CIT: variants seen among roughly 807,000 people sequenced by gnomAD.
CIT encodes citron rho-interacting serine/threonine kinase.
A neutral mutation model predicts 272.7 loss-of-function variants in CIT; 79 were observed. The observed-to-expected ratio is 0.29, with a 90% CI of 0.24 to 0.35. The LOEUF (loss-of-function observed/expected upper bound fraction) is 0.35. Ranked by LOEUF, CIT falls within the 10% of genes least tolerant of loss-of-function variation. The probability of loss-of-function intolerance (pLI) is 1.00; values close to 1 mark genes in which losing one functional copy is unlikely to be tolerated. For synonymous variants in CIT, 948 were observed against 995.6 expected (o/e 0.95, Z 0.90); for missense variants, 1,909 against 2,618.3 (o/e 0.73, Z 5.91).
At position 119,770,105 on chromosome 12, in the gene CIT, G is replaced by A. The variant is rs909511500; in HGVS notation, c.2208+680C>T. Among the ~76,000 whole-genome samples, 1 of 152,164 alleles carries A rather than the reference G, an allele frequency of 6.6e-6. No individual in the cohort carries two copies. The highest frequency in any genetic ancestry group is 1.5e-5 in the Non-Finnish European group (1 of 68,036). On this transcript the variant is annotated intron_variant, in intron 18 of 47. Transcript: ENST00000392521. This position sits in a 1 kb window ranked among gnomAD's most constrained non-coding sequence, Gnocchi z 4.4. ...GGTCCAAGGAGAGCCCTTCAAAGGTGCTGTCTTCCACCCTGGCAGGGGCAA... is the reference window on the plus strand; with the variant it reads ...GGTCCAAGGAGAGCCCTTCAAAGGTACTGTCTTCCACCCTGGCAGGGGCAA...
chr12:119,753,736 CAA>C (rs61342513), intron 22 of CIT, among the ~76,000 whole-genome samples: 16 of 112,060 alleles, frequency 1.4e-4, no homozygotes, highest in Admixed American at 1.9e-4. Flanking sequence ...GACTCTGCCT[CAA>C]AAAAAAAAAA....
chr12:119,759,396 A>G (rs1003976394), intron 20 of CIT, among the ~76,000 whole-genome samples: 11 of 152,288 alleles, frequency 7.2e-5, no homozygotes, highest in African/African-American at 2.6e-4. Flanking sequence ...CTGTAATCCC[A>G]ACACTTTGGG....
In CIT at chr12:119,825,021, C is replaced by T. The variant is rs528658703; in HGVS notation, c.957+144G>A. ...TTCACCATGTTAGCCAGGATGGTCT[C>T]GATCTCCTGACCTCGTGATCCACCC... On this transcript the variant is annotated intron_variant, in intron 8 of 47. Transcript: ENST00000392521. The T allele has an allele frequency of 1.5e-5, 9 of 613,474 alleles. No individual in the cohort carries two copies. In the East Asian group the frequency reaches 1.8e-4, roughly 12 times the overall value. 38.0% of individuals were successfully genotyped at this position (613,474 alleles called of 1,614,324 possible). A position where few individuals can be genotyped will look rare whatever the true frequency, so the allele number is the denominator to read the frequency against.
Position 119,697,750 on chromosome 12 carries a change from A to G in CIT, c.5791T>C (p.Tyr1931His). ...CAAATGACCCTTAATTTATCCTGGT[A>G]TGAGGACGCCAAGTAAATCGCTCCT... ...SSGAIYLASS[Y>H]QDKLRVICCK... Residue 1931 changes from tyrosine to histidine, a missense_variant, in exon 46 of 48, where the codon TAC becomes CAC. Transcript: ENST00000392521. The surrounding 1 kb of genome is among the most constrained non-coding windows in gnomAD (Gnocchi z 4.9). 6.2e-7 allele frequency: 1 copy of G among 1,614,126 alleles called. No individual in the cohort carries two copies. Among genetic ancestry groups the G allele is most frequent in the Non-Finnish European group, 8.5e-7 (1 of 1,180,034 alleles).
At chr12:119,730,004 AAC>A (rs976689433) in intron 27 of CIT, among the ~76,000 whole-genome samples, 9 of 152,224 alleles carry the variant, frequency 5.9e-5, no homozygotes, top group Admixed American at 2.0e-4. Flanking sequence ...ACATGGATGG[AAC>A]ACGTGTATTT....
intron 4 of CIT, 45 bp downstream of exon 4, chr12:119,857,478 C>T (rs1950204709): frequency 1.2e-6 from 2 of 1,601,370 alleles, no homozygotes; most frequent in African/African-American, 1.3e-5. Context: ...GCAATGAACA[C>T]TCCGGTACAG....
In CIT at chr12:119,804,574, C is replaced by T; in HGVS notation, c.1112-1185G>A. The T allele has an allele frequency of 2.5e-6, 2 of 791,078 alleles. No homozygotes were observed. Among genetic ancestry groups the T allele is most frequent in the Non-Finnish European group, 3.1e-6 (2 of 652,620 alleles). 49.0% of individuals were successfully genotyped at this position (791,078 alleles called of 1,614,324 possible). On this transcript the variant is annotated intron_variant, in intron 9 of 47. Coordinates refer to ENST00000392521, the MANE Select transcript of CIT (RefSeq NM_001206999.2). This position sits in a 1 kb window ranked among gnomAD's most constrained non-coding sequence, Gnocchi z 5.3. ...TTGTCACAGCCCTTCACAGCCCAGA[C>T]TTCTTTTTAACTCCTCGTTTTCTGG...
At chr12:119,841,584 G>A (rs1005882458) in intron 5 of CIT, among the ~76,000 whole-genome samples, 19 of 152,140 alleles carry the variant, frequency 1.2e-4, no homozygotes, top group African/African-American at 3.1e-4. Context: ...CCACACAGCC[G>A]ACAGTAAATT....
rs771869404 is a variant in CIT, at chr12:119,743,514, GT to G, written c.2905-1051del. ...CCCAATAGCAAGCATGACAAGTGGGGTTTTTTGTTTTGTTGTATCCAGTGAA... is the reference window on the plus strand; with the variant it reads ...CCCAATAGCAAGCATGACAAGTGGGGTTTTTGTTTTGTTGTATCCAGTGAA... On this transcript the variant is annotated intron_variant, in intron 23 of 47. Transcript: ENST00000392521. Among the ~76,000 whole-genome samples the G allele has an allele frequency of 9.7e-4, 148 of 152,288 alleles. 1 individual carries two copies. Among genetic ancestry groups the G allele is most frequent in the Non-Finnish European group, 1.6e-3 (108 of 68,018 alleles).
chr12:119,743,587 G>T (rs403734), intron 23 of CIT, among the ~76,000 whole-genome samples: 39,629 of 152,042 alleles, frequency 0.26, 5,416 homozygotes, highest in Middle Eastern at 0.33. Context: ...GTGCCTTGAG[G>T]AGTAAACATG....
At chr12:119,711,946 C>T (rs368012178) in intron 37 of CIT, among the ~76,000 whole-genome samples, 5 of 152,224 alleles carry the variant, frequency 3.3e-5, no homozygotes, top group African/African-American at 9.6e-5. Flanking sequence ...CATGAGCCAC[C>T]GCATCCCTGA....
intron 28 of CIT, among the ~76,000 whole-genome samples, chr12:119,725,134 T>C (rs1958020295): frequency 6.6e-6 from 1 of 151,970 alleles, no homozygotes; most frequent in Admixed American, 6.6e-5. Flanking sequence ...TTTAAAAGTC[T>C]CCTTATAGGC....
Position 119,688,075 on chromosome 12 carries a change from TG to T in CIT, c.*156del. 1 of 759,376 alleles carries T rather than the reference TG, an allele frequency of 1.3e-6. No homozygotes were observed. Among genetic ancestry groups the T allele is most frequent in the Non-Finnish European group, 2.3e-6 (1 of 441,420 alleles). 47.0% of individuals were successfully genotyped at this position (759,376 alleles called of 1,614,324 possible). On this transcript the variant is annotated 3_prime_UTR_variant, in exon 48 of 48. Coordinates refer to ENST00000392521, the MANE Select transcript of CIT (RefSeq NM_001206999.2). The stretch of plus-strand genomic sequence containing the variant: ...AAGAGCCTCAGCCACCTGCCCCTCC[TG>T]GAGACAGGGGTGTCCGTGCCGAGGT...
At chr12:119,773,341 C>T (rs1963388691) in intron 16 of CIT, among the ~76,000 whole-genome samples, 1 of 152,166 alleles carries the variant, frequency 6.6e-6, no homozygotes, top group Non-Finnish European at 1.5e-5. Context: ...TTAATTTTCT[C>T]CTTATTTTAA....
intron 4 of CIT, among the ~76,000 whole-genome samples, chr12:119,854,134 T>G (rs1320611762): frequency 1.3e-5 from 2 of 151,650 alleles, no homozygotes; most frequent in Non-Finnish European, 2.9e-5. Flanking sequence ...TTCAAGCAAT[T>G]CTCCTGCCTC....
intron 23 of CIT, among the ~76,000 whole-genome samples, chr12:119,749,874 T>G (rs1011069156): frequency 6.6e-6 from 1 of 152,144 alleles, no homozygotes; most frequent in South Asian, 2.1e-4. Flanking sequence ...AATTTCCCCA[T>G]AGATAAAGAG....
At chr12:119,824,230 A>G (rs1967983486) in intron 8 of CIT, among the ~76,000 whole-genome samples, 2 of 151,522 alleles carry the variant, frequency 1.3e-5, no homozygotes, top group Non-Finnish European at 2.9e-5. Context: ...AGTACTAAGA[A>G]GGAGTATATC....
intron 5 of CIT, among the ~76,000 whole-genome samples, chr12:119,843,529 G>A (rs747698757): frequency 2.0e-5 from 3 of 152,048 alleles, no homozygotes; most frequent in Non-Finnish European, 2.9e-5. Flanking sequence ...TGTATCTTCA[G>A]GGCCAGGCGT....
chr12:119,727,519 G>A (rs770088613), intron 28 of CIT, among the ~76,000 whole-genome samples: 32 of 152,088 alleles, frequency 2.1e-4, no homozygotes, highest in Non-Finnish European at 4.3e-4. Context: ...CTATTTGCGT[G>A]ACAGGTACAC....
Sources: allele counts gnomAD v4.1 joint callset (sites outside exome capture counted in the v4.1 genomes callset), GRCh38; gene constraint gnomAD v4.1.1; non-coding constraint Gnocchi (gnomAD v3.1); transcripts MANE v1.5; gene names NCBI Gene and HGNC (gene_info 2026-07-23, HGNC 2026-07-21).